Variants in CDIN1 observed in about 807,000 individuals in gnomAD.
CDIN1 encodes CDAN1-interacting nuclease 1.
In CDIN1, 33 loss-of-function variants were observed where a neutral mutation model predicts 45.3. That is an observed-to-expected ratio of 0.73 (90% CI 0.55 to 0.97). The LOEUF (loss-of-function observed/expected upper bound fraction) is 0.97, where lower values mean the gene tolerates loss of function less well. CDIN1 is among the 50% of genes least tolerant of loss of function. The pLI is 0.00. For missense variants in CDIN1, 303 were observed against 339.4 expected, an observed-to-expected ratio of 0.89 and a Z score of 0.84; for synonymous variants, 118 against 124.4, an observed-to-expected ratio of 0.95 and a Z score of 0.34.
At chr15:36,802,592 A>G (rs2055086765) in intron 10 of CDIN1, among the ~76,000 whole-genome samples, 1 of 152,178 alleles carries the variant, frequency 6.6e-6, no homozygotes, top group South Asian at 2.1e-4. Context: ...CTCCATAAGT[A>G]AAGATGCCTC....
chr15:36,799,200 T>C (rs570651201), intron 10 of CDIN1: 4 of 150,858 alleles, frequency 2.7e-5, no homozygotes, highest in Non-Finnish European at 4.4e-5. Context: ...TTGCACCCAG[T>C]GTCCACATGA....
intron 1 of CDIN1, among the ~76,000 whole-genome samples, chr15:36,629,353 G>T (rs1223387520): frequency 2.6e-5 from 4 of 152,152 alleles, no homozygotes; most frequent in Admixed American, 2.0e-4. Flanking sequence ...AAGTGGGTCA[G>T]AACTGATCAT....
intron 1 of CDIN1, among the ~76,000 whole-genome samples, chr15:36,614,615 C>T (rs1009912881): frequency 3.3e-5 from 5 of 152,104 alleles, no homozygotes; most frequent in African/African-American, 1.2e-4. Flanking sequence ...TGCATATTCC[C>T]CTCTCCATAG....
intron 10 of CDIN1, among the ~76,000 whole-genome samples, chr15:36,742,278 A>G (rs1194956153): frequency 1.3e-5 from 2 of 152,214 alleles, no homozygotes; most frequent in Non-Finnish European, 2.9e-5. Flanking sequence ...AAAATAGAGT[A>G]TAAATGGAAT....
chr15:36,602,711 G>A (rs1385336198), intron 1 of CDIN1, among the ~76,000 whole-genome samples: 2 of 152,168 alleles, frequency 1.3e-5, no homozygotes, highest in Non-Finnish European at 2.9e-5. Context: ...AGTGGCTCAC[G>A]CCTGTAATCC....
At chr15:36,746,908 C>T (rs7170999) in intron 10 of CDIN1, 2 of 397,306 alleles carry the variant, frequency 5.0e-6, no homozygotes, top group African/African-American at 4.1e-5. Context: ...TGCCACCATG[C>T]CCAGCTAATT....
intron 10 of CDIN1, among the ~76,000 whole-genome samples, chr15:36,722,518 A>G (rs1165235364): frequency 6.6e-6 from 1 of 152,198 alleles, no homozygotes; most frequent in African/African-American, 2.4e-5. Flanking sequence ...GGTAGCACTC[A>G]GGGCTTCTTA....
At chr15:36,644,379 T>A (rs1437912818) in intron 2 of CDIN1, 56 bp downstream of exon 2, 2 of 1,531,732 alleles carry the variant, frequency 1.3e-6, no homozygotes, top group Non-Finnish European at 1.8e-6. Flanking sequence ...ATGATGAATG[T>A]CCCTTTATTT....
intron 1 of CDIN1, among the ~76,000 whole-genome samples, chr15:36,605,183 A>G (rs954565151): frequency 6.6e-6 from 1 of 152,168 alleles, no homozygotes. Context: ...TGAAATCACT[A>G]TCATTGTCAG....
chr15:36,695,206 AT>A (rs578227755), intron 7 of CDIN1, among the ~76,000 whole-genome samples: 491 of 150,818 alleles, frequency 3.3e-3, no homozygotes, highest in Non-Finnish European at 5.9e-3. Context: ...TTCTCTAGGA[AT>A]TTTTTTTTTA....
intron 10 of CDIN1, among the ~76,000 whole-genome samples, chr15:36,723,436 C>T (rs2043507526): frequency 6.6e-6 from 1 of 152,044 alleles, no homozygotes; most frequent in African/African-American, 2.4e-5. Context: ...AAAGTGAAGT[C>T]ATTGGTTGTG....
rs2054534074 is a variant in CDIN1 at position 36,787,975 on chromosome 15, TCA to T, written c.717-20346_717-20345del. On this transcript the variant is annotated intron_variant, in intron 10 of 10. Transcript: ENST00000566621. ...TACTTTTTAATAGAAATTGTACAAC[TCA>T]CAATTGTGAAATTGAACTAAGACCA... Among the ~76,000 whole-genome samples the T allele has an allele frequency of 3.3e-5, 5 of 149,800 alleles. No homozygotes were observed. The South Asian group carries it at 1.0e-3, about 31-fold the overall frequency.
chr15:36,765,212 T>C (rs979326739), intron 10 of CDIN1, among the ~76,000 whole-genome samples: 1 of 151,896 alleles, frequency 6.6e-6, no homozygotes, highest in African/African-American at 2.4e-5. Context: ...CCTGCCTCCA[T>C]GCCTGGCTAA....
At chr15:36,798,025 C>CAAAAAA (rs11307856) in intron 10 of CDIN1, among the ~76,000 whole-genome samples, 353 of 93,490 alleles carry the variant, frequency 3.8e-3, no homozygotes, top group African/African-American at 0.014. Context: ...GAGTTATTAG[C>CAAAAAA]AAAAAAAAAA....
At chr15:36,767,003 T>C (rs1290410962) in intron 10 of CDIN1, among the ~76,000 whole-genome samples, 2 of 152,158 alleles carry the variant, frequency 1.3e-5, no homozygotes, top group African/African-American at 2.4e-5. Context: ...GTCTAGGAAA[T>C]CATTGTCAAG....
intron 7 of CDIN1, among the ~76,000 whole-genome samples, chr15:36,695,991 TTTTGAG>T (rs2042409869): frequency 1.3e-5 from 2 of 152,184 alleles, no homozygotes; most frequent in Non-Finnish European, 2.9e-5. Context: ...TTTTAATACT[TTTTGAG>T]AAGCTATATG....
At chr15:36,673,929 A>AT (rs896973448) in intron 5 of CDIN1, among the ~76,000 whole-genome samples, 14 of 151,500 alleles carry the variant, frequency 9.2e-5, no homozygotes, top group South Asian at 2.1e-4. Flanking sequence ...TGAGAATGAG[A>AT]TTTTTTTTTC....
chr15:36,720,746 A>C (rs568159708), intron 10 of CDIN1, among the ~76,000 whole-genome samples: 3 of 152,298 alleles, frequency 2.0e-5, no homozygotes, highest in African/African-American at 4.8e-5. Context: ...ATACGTGTGC[A>C]TGTGTCCTTA....
At chr15:36,763,028 A>C (rs1323804664) in intron 10 of CDIN1, among the ~76,000 whole-genome samples, 1 of 152,194 alleles carries the variant, frequency 6.6e-6, no homozygotes. Flanking sequence ...TGGCTGGGTC[A>C]AATGGTATTT....
Sources: allele counts gnomAD v4.1 joint callset (sites outside exome capture counted in the v4.1 genomes callset), GRCh38; gene constraint gnomAD v4.1.1; transcripts MANE v1.5; gene names NCBI Gene and HGNC (gene_info 2026-07-23, HGNC 2026-07-21).